LRRC37A2: variants seen among roughly 807,000 people sequenced by gnomAD.
LRRC37A2 encodes leucine rich repeat containing 37 member A2.
Under a neutral mutation model 68.8 loss-of-function variants are expected in LRRC37A2, and 9 were observed. The ratio of observed to expected loss-of-function variants is 0.13; its 90% CI spans 0.08 to 0.23. The LOEUF is 0.23. Among genes scored for constraint, LRRC37A2 ranks in the 10% least tolerant of loss-of-function variants. The pLI, the probability that LRRC37A2 is intolerant of heterozygous loss-of-function variation, is 1.00. For missense variants in LRRC37A2, 168 were observed against 950.4 expected, an observed-to-expected ratio of 0.18 and a Z score of 10.82; for synonymous variants, 63 against 367.6, an observed-to-expected ratio of 0.17 and a Z score of 9.48.
chr17:46,492,638 C>T, the LRRC37A2 span, among the ~76,000 whole-genome samples: 2 of 149,990 alleles, frequency 1.3e-5, no homozygotes, highest in Non-Finnish European at 2.9e-5. Context: ...ATGAAGAGTT[C>T]CGGTTGCTCT....
At chr17:46,518,660 GAATTT>G (rs1413936666) in intron 3 of LRRC37A2, among the ~76,000 whole-genome samples, 1 of 58,928 alleles carries the variant, frequency 1.7e-5, no homozygotes, top group Non-Finnish European at 3.5e-5. Flanking sequence ...GATTACTCAT[GAATTT>G]AATTTAGTAT....
At chr17:46,973,329 T>A in the LRRC37A2 span, among the ~76,000 whole-genome samples, 1 of 151,956 alleles carries the variant, frequency 6.6e-6, no homozygotes, top group Non-Finnish European at 1.5e-5. Context: ...TTCTTTTCTT[T>A]TTTCTTTTTT....
chr17:46,956,118 C>T, the LRRC37A2 span, among the ~76,000 whole-genome samples: 2 of 152,024 alleles, frequency 1.3e-5, no homozygotes, highest in Non-Finnish European at 2.9e-5. Context: ...CAGGAGGGTC[C>T]ATCTTAACCT....
the LRRC37A2 span, among the ~76,000 whole-genome samples, chr17:46,631,146 T>C: frequency 7.1e-6 from 1 of 140,948 alleles, no homozygotes; most frequent in Non-Finnish European, 1.5e-5. Context: ...TGACAACTTG[T>C]AATTTTTTCT....
the LRRC37A2 span, among the ~76,000 whole-genome samples, chr17:46,910,506 C>G: frequency 6.6e-6 from 1 of 152,302 alleles, no homozygotes; most frequent in East Asian, 1.9e-4. Context: ...CTGAAGATGT[C>G]CTCTTAGCCA....
At chr17:46,499,311 C>CAAAAAAA in the LRRC37A2 span, among the ~76,000 whole-genome samples, 3 of 60,548 alleles carry the variant, frequency 5.0e-5, no homozygotes, top group Non-Finnish European at 8.1e-5. Flanking sequence ...GACTCCAGCT[C>CAAAAAAA]AAAAAAAAAA....
chr17:46,529,263 T>C (rs1332013646), intron 6 of LRRC37A2, among the ~76,000 whole-genome samples: 1 of 110,120 alleles, frequency 9.1e-6, no homozygotes, highest in Admixed American at 9.8e-5. Flanking sequence ...CCCATTGTTC[T>C]ACAGCAAAAG....
chr17:46,883,458 T>C, the LRRC37A2 span, among the ~76,000 whole-genome samples: 2 of 151,924 alleles, frequency 1.3e-5, no homozygotes, highest in East Asian at 3.9e-4. Context: ...CTTATTTTTG[T>C]ATTTTTAGTA....
the LRRC37A2 span, among the ~76,000 whole-genome samples, chr17:46,995,374 C>T: frequency 6.6e-6 from 1 of 152,172 alleles, no homozygotes; most frequent in South Asian, 2.1e-4. Flanking sequence ...TTCTCTTGTT[C>T]TTCAGCTACA....
the LRRC37A2 span, among the ~76,000 whole-genome samples, chr17:46,957,352 C>T: frequency 6.6e-6 from 1 of 152,164 alleles, no homozygotes; most frequent in African/African-American, 2.4e-5. Context: ...GTGGCTCACG[C>T]CTGTATTCCC....
chr17:47,037,401 G>A, the LRRC37A2 span, among the ~76,000 whole-genome samples: 8 of 152,016 alleles, frequency 5.3e-5, no homozygotes, highest in Admixed American at 2.0e-4. Flanking sequence ...TACCGTGCCC[G>A]GCCAATAAAT....
chr17:46,558,031 A>G (rs116928005), downstream of LRRC37A2, among the ~76,000 whole-genome samples: 23,588 of 134,626 alleles, frequency 0.18, 1,026 homozygotes, highest in East Asian at 0.4. Flanking sequence ...CAGAGAAAAG[A>G]TATCCACAGG....
chr17:46,758,129 C>G, the LRRC37A2 span, among the ~76,000 whole-genome samples: 22,646 of 152,210 alleles, frequency 0.15, 3,333 homozygotes, highest in East Asian at 0.6. Context: ...CTTCAAGGCT[C>G]TCAGTGAGAT....
chr17:46,975,861 A>G, the LRRC37A2 span, among the ~76,000 whole-genome samples: 1 of 147,856 alleles, frequency 6.8e-6, no homozygotes, highest in Non-Finnish European at 1.5e-5. Context: ...TGCTTTGACA[A>G]GGAACTATGA....
the LRRC37A2 span, among the ~76,000 whole-genome samples, chr17:46,781,409 T>C: frequency 4.3e-5 from 6 of 138,736 alleles, no homozygotes; most frequent in Admixed American, 4.4e-4. Context: ...TAAGACTCTG[T>C]CTCAAAAAAA....
At chr17:46,998,441 T>TG in the LRRC37A2 span, among the ~76,000 whole-genome samples, 2 of 152,222 alleles carry the variant, frequency 1.3e-5, no homozygotes, top group African/African-American at 4.8e-5. Flanking sequence ...CGTGCAGCCA[T>TG]GGATCCTTTA....
the LRRC37A2 span, among the ~76,000 whole-genome samples, chr17:46,770,543 G>A: frequency 6.6e-6 from 1 of 152,114 alleles, no homozygotes; most frequent in African/African-American, 2.4e-5. Context: ...GCACGTGGAT[G>A]CATAGGGACG....
At chr17:46,882,230 CGTT>C in the LRRC37A2 span, among the ~76,000 whole-genome samples, 1 of 152,140 alleles carries the variant, frequency 6.6e-6, no homozygotes, top group Non-Finnish European at 1.5e-5. Flanking sequence ...AGGCATTGCA[CGTT>C]GTTTTCATGT....
the LRRC37A2 span, among the ~76,000 whole-genome samples, chr17:46,839,017 A>G: frequency 6.6e-6 from 1 of 152,092 alleles, no homozygotes; most frequent in Non-Finnish European, 1.5e-5. Context: ...AGCTGGGATT[A>G]CAGGCGCCCG....
Sources: allele counts gnomAD v4.1 joint callset (sites outside exome capture counted in the v4.1 genomes callset), GRCh38; gene constraint gnomAD v4.1.1; transcripts MANE v1.5; gene names NCBI Gene and HGNC (gene_info 2026-07-23, HGNC 2026-07-21).